Variants in DCC observed in about 807,000 individuals in gnomAD.
The protein encoded by DCC is netrin receptor DCC.
In DCC, 58 loss-of-function variants were observed where a neutral mutation model predicts 172.5. The ratio of observed to expected loss-of-function variants is 0.34; its 90% CI spans 0.27 to 0.42. The LOEUF is 0.42. DCC is among the 10% of genes least tolerant of loss of function. DCC has a pLI of 1.00. For synonymous variants in DCC, 709 were observed against 644.5 expected (o/e 1.10, Z -1.52); for missense variants, 1,740 against 1,791.0 (o/e 0.97, Z 0.51).
intron 13 of DCC, among the ~76,000 whole-genome samples, chr18:53,313,804 A>C (rs1181676106): frequency 6.6e-6 from 1 of 152,220 alleles, no homozygotes; most frequent in Non-Finnish European, 1.5e-5. Flanking sequence ...AGCAAGAGAC[A>C]GAACAGAGTC....
At chr18:53,040,391 A>G (rs2042153732) in intron 5 of DCC, among the ~76,000 whole-genome samples, 1 of 151,946 alleles carries the variant, frequency 6.6e-6, no homozygotes, top group Non-Finnish European at 1.5e-5. Context: ...TCAAAGTGTG[A>G]TTTAGGAGCT....
At chr18:52,679,304 A>T (rs1319373823) in intron 1 of DCC, among the ~76,000 whole-genome samples, 6 of 152,008 alleles carry the variant, frequency 3.9e-5, no homozygotes, top group Non-Finnish European at 8.8e-5. Context: ...GCTCCCCACC[A>T]AGCACTAGGA....
chr18:52,910,900 A>G (rs2039962277), intron 3 of DCC, among the ~76,000 whole-genome samples: 1 of 152,138 alleles, frequency 6.6e-6, no homozygotes. Context: ...ATTTTTGTCT[A>G]TATTTTTATT....
intron 2 of DCC, among the ~76,000 whole-genome samples, chr18:52,758,105 G>A (rs1214766494): frequency 1.3e-5 from 2 of 152,078 alleles, no homozygotes; most frequent in African/African-American, 2.4e-5. Context: ...ACTCCTTGTG[G>A]GAAACACTAT....
In DCC at chr18:53,179,015, A is replaced by G; in HGVS notation, c.1472A>G (p.Asn491Ser). The G allele has an allele frequency of 6.2e-7, 1 of 1,614,100 alleles. No individual in the cohort carries two copies. The highest frequency in any genetic ancestry group is 8.5e-7 in the Non-Finnish European group (1 of 1,179,978). Residue 491 changes from asparagine to serine, a missense_variant, in exon 9 of 29, where the codon AAC (asparagine) becomes AGC (serine). By Grantham distance (46) the Asn-to-Ser change is conservative (BLOSUM62 1). Coordinates refer to ENST00000442544, the MANE Select transcript of DCC (RefSeq NM_005215.4). ...QPGSLQLTVGNLKPEAMYTFR... is the reference protein window; with the variant it reads ...QPGSLQLTVGSLKPEAMYTFR... The stretch of plus-strand genomic sequence containing the variant: ...GGGTCCCTTCAGCTCACTGTGGGAA[A>G]CCTGAAGCCAGAAGCCATGTACACC...
chr18:53,147,697 T>C (rs1201514133), intron 7 of DCC, among the ~76,000 whole-genome samples: 1 of 152,218 alleles, frequency 6.6e-6, no homozygotes, highest in Non-Finnish European at 1.5e-5. Flanking sequence ...TGAAACACAG[T>C]GTTTAGTGAA....
intron 12 of DCC, among the ~76,000 whole-genome samples, chr18:53,245,149 C>T (rs1312182319): frequency 6.6e-6 from 1 of 151,994 alleles, no homozygotes; most frequent in South Asian, 2.1e-4. Context: ...TAATTCACCC[C>T]CTATATTTTT....
intron 1 of DCC, among the ~76,000 whole-genome samples, chr18:52,395,311 T>C (rs1986180483): frequency 1.3e-5 from 2 of 152,080 alleles, no homozygotes; most frequent in Admixed American, 6.6e-5. Flanking sequence ...CCAGCAATTA[T>C]GGTCACAAGA....
At chr18:52,986,689 A>C (rs2041298373) in intron 5 of DCC, among the ~76,000 whole-genome samples, 1 of 151,930 alleles carries the variant, frequency 6.6e-6, no homozygotes, top group African/African-American at 2.4e-5. Flanking sequence ...AGGCAAAAAA[A>C]AATCCTGTCT....
chr18:52,662,554 GGA>G (rs1304064853), intron 1 of DCC, among the ~76,000 whole-genome samples: 25 of 80,080 alleles, frequency 3.1e-4, no homozygotes, highest in Non-Finnish European at 5.1e-4. Context: ...GGAAGGAAAG[GGA>G]GGGAGGGAGG....
intron 25 of DCC, among the ~76,000 whole-genome samples, chr18:53,479,265 T>C (rs530604900): frequency 1.2e-4 from 19 of 152,328 alleles, no homozygotes; most frequent in African/African-American, 4.6e-4. Flanking sequence ...TTTTTATTCT[T>C]TGAGTCTTCG....
At chr18:52,763,697 G>T (rs184321711) in intron 2 of DCC, among the ~76,000 whole-genome samples, 5 of 152,078 alleles carry the variant, frequency 3.3e-5, no homozygotes, top group African/African-American at 9.6e-5. Context: ...TCATAAAATC[G>T]TGCAACCACC....
At chr18:52,797,116 G>A (rs74809618) in intron 2 of DCC, among the ~76,000 whole-genome samples, 3,472 of 151,402 alleles carry the variant, frequency 0.023, 91 homozygotes, top group East Asian at 0.088. Flanking sequence ...GACTTTTGGT[G>A]CTCTTAACAT....
At chr18:53,366,267 A>G (rs1342489233) in intron 15 of DCC, among the ~76,000 whole-genome samples, 1 of 151,962 alleles carries the variant, frequency 6.6e-6, no homozygotes, top group Non-Finnish European at 1.5e-5. Context: ...AGGTTGGTCT[A>G]GAACCCCTGA....
chr18:52,852,240 A>G (rs1055352764), intron 2 of DCC, among the ~76,000 whole-genome samples: 1 of 152,120 alleles, frequency 6.6e-6, no homozygotes, highest in South Asian at 2.1e-4. Context: ...ACACAAGGAT[A>G]TTGCATCAAT....
At chr18:53,139,938 A>T (rs1328355318) in intron 7 of DCC, among the ~76,000 whole-genome samples, 1 of 152,220 alleles carries the variant, frequency 6.6e-6, no homozygotes, top group East Asian at 1.9e-4. Flanking sequence ...TGTGAGCTCC[A>T]AAAAGGCAGA....
At chr18:52,427,122 C>A (rs1987454070) in intron 1 of DCC, among the ~76,000 whole-genome samples, 1 of 152,088 alleles carries the variant, frequency 6.6e-6, no homozygotes, top group Non-Finnish European at 1.5e-5. Context: ...TTAGCCCTTT[C>A]ACTAAGTACT....
At chr18:52,679,486 C>A (rs2035704747) in intron 1 of DCC, among the ~76,000 whole-genome samples, 1 of 152,122 alleles carries the variant, frequency 6.6e-6, no homozygotes. Context: ...ATTCATATAG[C>A]CCCCATCTTT....
intron 1 of DCC, among the ~76,000 whole-genome samples, chr18:52,693,923 A>G (rs1374420479): frequency 6.6e-6 from 1 of 152,176 alleles, no homozygotes; most frequent in Non-Finnish European, 1.5e-5. Context: ...AATCTTTCTT[A>G]TAGATATATT....
Sources: gnomAD v4.1 joint callset for allele counts (sites outside exome capture counted in the v4.1 genomes callset) on GRCh38, gnomAD v4.1.1 for gene constraint, MANE v1.5 for transcripts, NCBI Gene and HGNC (gene_info 2026-07-23, HGNC 2026-07-21) for gene names.